ZNF284: variants seen among roughly 807,000 people sequenced by gnomAD.
The protein encoded by ZNF284 is zinc finger protein 284.
ZNF284 carries 12 observed loss-of-function variants against 12.9 expected under a neutral mutation model. The observed-to-expected ratio is 0.93, with a 90% CI of 0.60 to 1.51. The LOEUF is 1.51. Among genes scored for constraint, ZNF284 ranks in the 40% most tolerant of loss-of-function variants. ZNF284 has a pLI of 0.00. For synonymous variants in ZNF284, 225 were observed against 236.5 expected (o/e 0.95, Z 0.45); for missense variants, 667 against 707.3 (o/e 0.94, Z 0.65).
rs191979033 is a variant in ZNF284 at position 44,077,697 on chromosome 19, T to C, written c.15+1293T>C. Among the ~76,000 whole-genome samples, 10 of 152,226 alleles carry C rather than the reference T, an allele frequency of 6.6e-5. No homozygotes were observed. The East Asian group carries it at 1.7e-3, about 26-fold the overall frequency. On this transcript the variant is annotated intron_variant, in intron 2 of 4. Coordinates refer to ENST00000421176, the MANE Select transcript of ZNF284 (RefSeq NM_001037813.4). ...CTCAGCCTCATCTTCCTCTTAAATA[T>C]GTGAAATATGAGAAACCTGCTGAGG...
chr19:44,087,395 T>A lies in ZNF284; in HGVS notation c.*135T>A. 1.3e-6 allele frequency: 1 copy of A among 786,390 alleles called. No homozygotes were observed. Among genetic ancestry groups the A allele is most frequent in the Non-Finnish European group, 1.9e-6 (1 of 532,356 alleles). 48.7% of individuals were successfully genotyped at this position (786,390 alleles called of 1,614,324 possible). A position where few individuals can be genotyped will look rare whatever the true frequency, so the allele number is the denominator to read the frequency against. ...GGATCATTTATCATTTCTTTGTGCT[T>A]TGAACGTTCAAAAACTGCTGTTCTA... is the stretch of plus-strand genomic sequence containing the variant. On this transcript the variant is annotated 3_prime_UTR_variant, in exon 5 of 5. Coordinates refer to ENST00000421176, the MANE Select transcript of ZNF284 (RefSeq NM_001037813.4).
At chr19:44,084,036 A>C (rs990448760) in intron 4 of ZNF284, among the ~76,000 whole-genome samples, 22 of 152,170 alleles carry the variant, frequency 1.4e-4, no homozygotes, top group Non-Finnish European at 5.9e-5. Context: ...TGCATGGTAC[A>C]TGCTCATGCC....
chr19:44,088,908 C>T lies in ZNF284; in HGVS notation c.*1648C>T, dbSNP rs776359778. The T allele has an allele frequency of 4.0e-5, 6 of 151,120 alleles. No homozygotes were observed. The highest frequency in any genetic ancestry group is 7.4e-5 in the Non-Finnish European group (5 of 67,930). The allele number at this position is 151,120 out of a possible 1,614,324, so 9.4% of individuals were successfully genotyped here. A position where few individuals can be genotyped will look rare whatever the true frequency, so the allele number is the denominator to read the frequency against. The stretch of plus-strand genomic sequence containing the variant: ...TGATCACGGCTCCCTGCAGCCTTGA[C>T]CTCCCAGGCTCAAGAAATCCTTCTG... On this transcript the variant is annotated 3_prime_UTR_variant, in exon 5 of 5. Transcript: ENST00000421176.
rs1223819000 is a variant in ZNF284 at position 44,082,000 on chromosome 19, A to T, written c.143-13A>T. Reference sequence around the variant, plus strand: ...AAGATGTATTGGGATTAAGCATGTGACTTTGTTCACAGGGCATCAACTTTC... The same window carrying T: ...AAGATGTATTGGGATTAAGCATGTGTCTTTGTTCACAGGGCATCAACTTTC... On this transcript the variant is annotated splice_polypyrimidine_tract_variant and intron_variant, in intron 3 of 4. Transcript: ENST00000421176. 2 of 1,610,056 alleles carry T rather than the reference A, an allele frequency of 1.2e-6. No individual in the cohort carries two copies. The highest frequency in any genetic ancestry group is 1.7e-6 in the Non-Finnish European group (2 of 1,177,148).
intron 2 of ZNF284, among the ~76,000 whole-genome samples, chr19:44,078,192 A>G (rs946301753): frequency 1.3e-5 from 2 of 152,230 alleles, no homozygotes; most frequent in African/African-American, 4.8e-5. Flanking sequence ...TAGAGAAGAA[A>G]TAGAAGTGGC....
At chr19:44,082,416 T>G (rs1278079964) in intron 4 of ZNF284, among the ~76,000 whole-genome samples, 2 of 152,210 alleles carry the variant, frequency 1.3e-5, no homozygotes, top group African/African-American at 4.8e-5. Context: ...CTTGATCTGC[T>G]CTTCATCCCC....
chr19:44,087,370 G>T lies in ZNF284; in HGVS notation c.*110G>T. On this transcript the variant is annotated 3_prime_UTR_variant, in exon 5 of 5. Coordinates refer to ENST00000421176, the MANE Select transcript of ZNF284 (RefSeq NM_001037813.4). ...ATCACCTCCTTTATCATTTATTTGTGGATCATTTATCATTTCTTTGTGCTT... is the reference window on the plus strand; with the variant it reads ...ATCACCTCCTTTATCATTTATTTGTTGATCATTTATCATTTCTTTGTGCTT... 1.1e-6 allele frequency: 1 copy of T among 870,838 alleles called. No homozygotes were observed. Among genetic ancestry groups the T allele is most frequent in the South Asian group, 2.7e-5 (1 of 37,174 alleles). The allele number at this position is 870,838 out of a possible 1,614,324, so 53.9% of individuals were successfully genotyped here.
intron 2 of ZNF284, among the ~76,000 whole-genome samples, chr19:44,077,100 G>C (rs576405390): frequency 6.6e-6 from 1 of 152,272 alleles, no homozygotes; most frequent in African/African-American, 2.4e-5. Flanking sequence ...GATTACAGGT[G>C]TGCACCACTG....
chr19:44,075,302 T>C (rs1465767468), intron 1 of ZNF284, among the ~76,000 whole-genome samples: 1 of 152,252 alleles, frequency 6.6e-6, no homozygotes, highest in African/African-American at 2.4e-5. Flanking sequence ...CCACAGCCTT[T>C]GTCTTTTATA....
intron 1 of ZNF284, 144 bp downstream of exon 1, chr19:44,072,435 T>G (rs1243483531): frequency 6.6e-6 from 1 of 152,250 alleles, no homozygotes; most frequent in Non-Finnish European, 1.5e-5. Context: ...TTTTTGGGGC[T>G]CTCAGCTCGC....
chr19:44,080,860 G>A (rs1967110047), intron 2 of ZNF284, among the ~76,000 whole-genome samples, 155 bp from the exon 3 acceptor site: 1 of 152,128 alleles, frequency 6.6e-6, no homozygotes, highest in Admixed American at 6.6e-5. Flanking sequence ...GTCATTGCGA[G>A]GATACAGACA....
chr19:44,080,448 T>A (rs1967103435), intron 2 of ZNF284, among the ~76,000 whole-genome samples: 1 of 152,170 alleles, frequency 6.6e-6, no homozygotes, highest in South Asian at 2.1e-4. Flanking sequence ...TAGCTGGGCA[T>A]GGTGGCAGGT....
At chr19:44,072,747 C>T (rs539044974) in intron 1 of ZNF284, among the ~76,000 whole-genome samples, 1 of 152,352 alleles carries the variant, frequency 6.6e-6, no homozygotes, top group East Asian at 1.9e-4. Flanking sequence ...TCCTGCAGGA[C>T]GCTGGGTGAT....
rs1434138505 is a variant in ZNF284, at chr19:44,086,873, G to A, written c.1395G>A (p.Arg465=). ...YNCKECGKSF[R]WASGILRHKR... The stretch of plus-strand genomic sequence containing the variant: ...GTAAGGAATGTGGAAAGAGCTTCAG[G>A]TGGGCCTCAGGTATTTTGAGACATA... Residue 465 remains arginine (R), a synonymous_variant, in exon 5 of 5, where the codon AGG becomes AGA. Coordinates refer to ENST00000421176, the MANE Select transcript of ZNF284 (RefSeq NM_001037813.4). 1.2e-6 allele frequency: 2 copies of A among 1,613,760 alleles called. No individual in the cohort carries two copies. The highest frequency in any genetic ancestry group is 2.2e-5 in the South Asian group (2 of 91,020).
intron 1 of ZNF284, among the ~76,000 whole-genome samples, chr19:44,074,285 G>A (rs911618371): frequency 1.3e-5 from 2 of 151,956 alleles, no homozygotes; most frequent in Admixed American, 6.5e-5. Flanking sequence ...CCCGGGAGGC[G>A]GAGGTTGCAG....
chr19:44,081,527 C>G (rs560460605), intron 3 of ZNF284, among the ~76,000 whole-genome samples: 2 of 151,608 alleles, frequency 1.3e-5, no homozygotes, highest in African/African-American at 4.8e-5. Context: ...CTGGCTAACA[C>G]GGTGAAACCC....
At chr19:44,082,874 T>A (rs1266803884) in intron 4 of ZNF284, among the ~76,000 whole-genome samples, 1 of 152,226 alleles carries the variant, frequency 6.6e-6, no homozygotes, top group Non-Finnish European at 1.5e-5. Flanking sequence ...TCTTACTCTC[T>A]CTTTAGCTGA....
Position 44,086,435 on chromosome 19 carries a change from C to G in ZNF284, c.957C>G (p.Thr319=). The G allele has an allele frequency of 6.2e-7, 1 of 1,613,968 alleles. No homozygotes were observed. The highest frequency in any genetic ancestry group is 1.1e-5 in the South Asian group (1 of 91,074). The stretch of plus-strand genomic sequence containing the variant: ...AAGAGAAATCATTTAGATGTGATAC[C>G]TGTAGTAATAGCTTTGGTCAGAGAT... ...HMQEKSFRCD[T]CSNSFGQRSA... is the part of the protein sequence containing the mutation. The change falls in exon 5 of 5, where the codon ACC becomes ACG. Residue 319 remains threonine (T), a synonymous_variant. Coordinates refer to ENST00000421176, the MANE Select transcript of ZNF284 (RefSeq NM_001037813.4).
intron 4 of ZNF284, among the ~76,000 whole-genome samples, chr19:44,082,428 A>C (rs899151179): frequency 6.6e-6 from 1 of 152,106 alleles, no homozygotes; most frequent in Admixed American, 6.6e-5. Context: ...TTCATCCCCT[A>C]CTGCCTCTCT....
Sources: gnomAD v4.1 joint callset for allele counts (sites outside exome capture counted in the v4.1 genomes callset) on GRCh38, gnomAD v4.1.1 for gene constraint, MANE v1.5 for transcripts, NCBI Gene and HGNC (gene_info 2026-07-23, HGNC 2026-07-21) for gene names.